The following EID2 variants were observed in gnomAD, a reference collection of about 807,000 sequenced individuals.
EID2 encodes the protein EP300 interacting inhibitor of differentiation 2.
Under a neutral mutation model 2.6 loss-of-function variants are expected in EID2, and 1 was observed. The ratio of observed to expected loss-of-function variants is 0.39; its 90% confidence interval spans 0.14 to 1.85. EID2 has a LOEUF of 1.85. Ranked by LOEUF, EID2 falls within the 40% of genes most tolerant of loss-of-function variation. The pLI is 0.32. For missense variants in EID2, 285 were observed against 338.4 expected (o/e 0.84, Z 1.24); for synonymous variants, 126 against 147.2 (o/e 0.86, Z 1.04).
rs771138248 is a variant in EID2 at position 39,540,097 on chromosome 19, A to C, written c.-18T>G. On this transcript the variant is annotated 5_prime_UTR_variant, in exon 1 of 1. Coordinates refer to ENST00000390658, the MANE Select transcript of EID2 (RefSeq NM_153232.4). ...TTGGACATCTCAGACCGTGGGGTCAACTCGGCTGCTCCCAGAGAAACTGGA... is the reference window on the plus strand; with the variant it reads ...TTGGACATCTCAGACCGTGGGGTCACCTCGGCTGCTCCCAGAGAAACTGGA... 15 of 1,595,152 alleles carry C rather than the reference A, an allele frequency of 9.4e-6. 1 individual carries two copies. The South Asian group carries it at 1.5e-4, about 16-fold the overall frequency.
rs745750021 is a variant in EID2, at chr19:39,539,730, T to A, written c.350A>T (p.Asp117Val). ...GGGCCTGCCCTCGGGACCCTCTTCG[T>A]CCACTGGCTCCCCCAGCAAGCGGGC... The part of the protein sequence containing the change: ...EVARLLGEPV[D>V]EEGPEGRPRS... The change falls in exon 1 of 1, where the codon GAC (aspartate) becomes GTC (valine). Residue 117 changes from aspartate to valine, a missense_variant. Transcript: ENST00000390658. The A allele has an allele frequency of 6.2e-7, 1 of 1,612,682 alleles. No individual in the cohort carries two copies. The highest frequency in any genetic ancestry group is 8.5e-7 in the Non-Finnish European group (1 of 1,179,800).
Position 39,539,796 on chromosome 19 carries a change from G to GCCC in EID2, c.283_284insGGG (p.Pro95delinsArgAla), listed in dbSNP as rs774171334. The GCCC allele has an allele frequency of 6.3e-7, 1 of 1,587,628 alleles. No homozygotes were observed. The highest frequency in any genetic ancestry group is 8.5e-7 in the Non-Finnish European group (1 of 1,173,634). On this transcript the variant is annotated protein_altering_variant, in exon 1 of 1. Transcript: ENST00000390658. ...GGCTTCCCTGGCCGCCGCCGCCGCCGGGCTTTCCCTGCCCGCCGCGGCTGC... is the reference window on the plus strand; with the variant it reads ...GGCTTCCCTGGCCGCCGCCGCCGCCGCCCGGCTTTCCCTGCCCGCCGCGGCTGC...
chr19:39,539,774 T>C lies in EID2; in HGVS notation c.306A>G (p.Glu102=). The part of the protein sequence containing the change: ...RESPAAAAAR[E]ARMAEVARLL... ...AGCGGGCGACCTCCGCCATCCGGGC[T>C]TCCCTGGCCGCCGCCGCCGCCGGGC... is the stretch of plus-strand genomic sequence containing the variant. Residue 102 remains glutamate (E), a synonymous_variant, in exon 1 of 1, where the codon GAA becomes GAG. Coordinates refer to ENST00000390658, the MANE Select transcript of EID2 (RefSeq NM_153232.4). 6.2e-7 allele frequency: 1 copy of C among 1,601,210 alleles called. No individual in the cohort carries two copies. The highest frequency in any genetic ancestry group is 8.5e-7 in the Non-Finnish European group (1 of 1,178,268).
chr19:39,539,699 G>A lies in EID2; in HGVS notation c.381C>T (p.Ser127=), dbSNP rs1203023732. 1 of 1,613,974 alleles carries A rather than the reference G, an allele frequency of 6.2e-7. No homozygotes were observed. Among genetic ancestry groups the A allele is most frequent in the Non-Finnish European group, 8.5e-7 (1 of 1,180,012 alleles). The change falls in exon 1 of 1, where the codon TCC becomes TCT. Residue 127 remains serine (S), a synonymous_variant. Coordinates refer to ENST00000390658, the MANE Select transcript of EID2 (RefSeq NM_153232.4). ...DEEGPEGRPR[S]RHGNGGLAAL... ...CAGCCAGGCCTCCGTTCCCGTGTCTGGACCTGGGCCTGCCCTCGGGACCCT... is the reference window on the plus strand; with the variant it reads ...CAGCCAGGCCTCCGTTCCCGTGTCTAGACCTGGGCCTGCCCTCGGGACCCT...
In EID2 at chr19:39,539,840, TGCCACCGGGGCTCCCCTGGCTGCC is replaced by T. The variant is rs999609511; in HGVS notation, c.216_239del (p.Arg75_Ala82del). ...CGGCTGCCCTGGCCAACGCCGCCGC[TGCCACCGGGGCTCCCCTGGCTGCC>T]GCCGCCGGGGCTGCCCTGGCCGCCG... On this transcript the variant is annotated inframe_deletion, in exon 1 of 1. Transcript: ENST00000390658. 21 of 1,399,432 alleles carry T rather than the reference TGCCACCGGGGCTCCCCTGGCTGCC, an allele frequency of 1.5e-5. No individual in the cohort carries two copies. Among genetic ancestry groups the T allele is most frequent in the Non-Finnish European group, 1.8e-5 (20 of 1,086,710 alleles). 86.7% of individuals were successfully genotyped at this position (1,399,432 alleles called of 1,614,324 possible).
Position 39,539,976 on chromosome 19 carries a change from G to GCCGGCTC in EID2, c.97_103dup (p.Ala35GlyfsTer8). On this transcript the variant is annotated frameshift_variant, in exon 1 of 1. Transcript: ENST00000390658. LOFTEE classifies it low-confidence loss of function (END_TRUNC). ...CCCGGCCTCCTCAGGCTGTGCCGGGGCCGGCTCCCGCCTCCCGCGGCCTAC... is the reference window on the plus strand; with the variant it reads ...CCCGGCCTCCTCAGGCTGTGCCGGGGCCGGCTCCCGGCTCCCGCCTCCCGCGGCCTAC... 1 of 1,582,004 alleles carries GCCGGCTC rather than the reference G, an allele frequency of 6.3e-7. No homozygotes were observed. Among genetic ancestry groups the GCCGGCTC allele is most frequent in the Non-Finnish European group, 8.5e-7 (1 of 1,173,414 alleles).
chr19:39,538,947 C>G lies in EID2; in HGVS notation c.*422G>C, dbSNP rs1279408194. ...GACATGAAGAGAGCACATATTCCGA[C>G]AATTTCAAGTTCTTTTCATAGCCTT... On this transcript the variant is annotated 3_prime_UTR_variant, in exon 1 of 1. Coordinates refer to ENST00000390658, the MANE Select transcript of EID2 (RefSeq NM_153232.4). 1 of 155,932 alleles carries G rather than the reference C, an allele frequency of 6.4e-6. No individual in the cohort carries two copies. The highest frequency in any genetic ancestry group is 1.9e-4 in the East Asian group (1 of 5,352). The allele number at this position is 155,932 out of a possible 1,614,324, so 9.7% of individuals were successfully genotyped here.
Position 39,539,828 on chromosome 19 carries a change from C to A in EID2, c.252G>T (p.Leu84Phe). Reference sequence around the variant, plus strand: ...CCCTGCCCGCCGCGGCTGCCCTGGCCAACGCCGCCGCTGCCACCGGGGCTC... The same window carrying A: ...CCCTGCCCGCCGCGGCTGCCCTGGCAAACGCCGCCGCTGCCACCGGGGCTC... ...ARGAPVAAAA[L>F]ARAAAAGRES... Residue 84 changes from leucine to phenylalanine, a missense_variant, in exon 1 of 1, where the codon TTG (leucine) becomes TTT (phenylalanine). Coordinates refer to ENST00000390658, the MANE Select transcript of EID2 (RefSeq NM_153232.4). The A allele has an allele frequency of 1.4e-6, 2 of 1,435,026 alleles. No individual in the cohort carries two copies. Among genetic ancestry groups the A allele is most frequent in the South Asian group, 2.9e-5 (2 of 68,694 alleles). 88.9% of individuals were successfully genotyped at this position (1,435,026 alleles called of 1,614,324 possible).
In EID2 at chr19:39,539,857, T is replaced by G; in HGVS notation, c.223A>C (p.Arg75=). The G allele has an allele frequency of 7.5e-7, 1 of 1,331,780 alleles. No homozygotes were observed. The highest frequency in any genetic ancestry group is 9.5e-7 in the Non-Finnish European group (1 of 1,048,904). 82.5% of individuals were successfully genotyped at this position (1,331,780 alleles called of 1,614,324 possible). The change falls in exon 1 of 1, where the codon AGG becomes CGG. Residue 75 remains arginine, a synonymous_variant. Coordinates refer to ENST00000390658, the MANE Select transcript of EID2 (RefSeq NM_153232.4). ...GCCGCCGCTGCCACCGGGGCTCCCC[T>G]GGCTGCCGCCGCCGGGGCTGCCCTG... ...AARAAPAAAA[R]GAPVAAAALA... is the part of the protein sequence containing the mutation.
Position 39,539,265 on chromosome 19 carries a change from T to A in EID2, c.*104A>T. On this transcript the variant is annotated 3_prime_UTR_variant, in exon 1 of 1. Transcript: ENST00000390658. ...CCTCCCCCTTTTTTTCCCCTCCACC[T>A]GTGCACTGTCTTATCGCGATATACT... The A allele has an allele frequency of 9.6e-7, 1 of 1,039,232 alleles. No individual in the cohort carries two copies. Among genetic ancestry groups the A allele is most frequent in the East Asian group, 2.5e-5 (1 of 40,300 alleles). 64.4% of individuals were successfully genotyped at this position (1,039,232 alleles called of 1,614,324 possible). A position where few individuals can be genotyped will look rare whatever the true frequency, so the allele number is the denominator to read the frequency against.
chr19:39,539,928 C>G lies in EID2; in HGVS notation c.152G>C (p.Arg51Thr). ...EAGEGAMAAA[R>T]GGPVPAAREG... ...CCTGGCCGCCGGCACCGGGCCTCCC[C>G]TGGCCGCCGCCATCGCGCCTTCCCC... Residue 51 changes from arginine to threonine, a missense_variant, in exon 1 of 1, where the codon AGG (arginine) becomes ACG (threonine). Coordinates refer to ENST00000390658, the MANE Select transcript of EID2 (RefSeq NM_153232.4). 1 of 1,502,782 alleles carries G rather than the reference C, an allele frequency of 6.7e-7. No homozygotes were observed. The highest frequency in any genetic ancestry group is 2.1e-5 in the Admixed American group (1 of 47,066). 93.1% of individuals were successfully genotyped at this position (1,502,782 alleles called of 1,614,324 possible). A position where few individuals can be genotyped will look rare whatever the true frequency, so the allele number is the denominator to read the frequency against.
At position 39,539,865 on chromosome 19, in the gene EID2, G is replaced by A. The variant is rs927017052; in HGVS notation, c.215C>T (p.Ala72Val). ...RMAAARAAPA[A>V]AARGAPVAAA... is the part of the protein sequence containing the mutation. ...TGCCACCGGGGCTCCCCTGGCTGCC[G>A]CCGCCGGGGCTGCCCTGGCCGCCGC... Residue 72 changes from alanine to valine, a missense_variant, in exon 1 of 1, where the codon GCG becomes GTG. Transcript: ENST00000390658. The A allele has an allele frequency of 5.3e-6, 7 of 1,320,820 alleles. No individual in the cohort carries two copies. In the African/African-American group the frequency reaches 9.3e-5, roughly 17 times the overall value. 81.8% of individuals were successfully genotyped at this position (1,320,820 alleles called of 1,614,324 possible).
Position 39,539,313 on chromosome 19 carries a change from G to T in EID2, c.*56C>A. 1 of 1,488,966 alleles carries T rather than the reference G, an allele frequency of 6.7e-7. No individual in the cohort carries two copies. Among genetic ancestry groups the T allele is most frequent in the Non-Finnish European group, 9.2e-7 (1 of 1,081,538 alleles). 92.2% of individuals were successfully genotyped at this position (1,488,966 alleles called of 1,614,324 possible). On this transcript the variant is annotated 3_prime_UTR_variant, in exon 1 of 1. Transcript: ENST00000390658. ...ACTCTTGACTTCTGAAAATCAAGTT[G>T]CAGGATTGGTATGACTGGAATGCAG...
Position 39,539,378 on chromosome 19 carries a change from A to G in EID2, c.702T>C (p.Asn234=), listed in dbSNP as rs201197879. 391 of 1,613,404 alleles carry G rather than the reference A, an allele frequency of 2.4e-4. No homozygotes were observed. Among genetic ancestry groups the G allele is most frequent in the Non-Finnish European group, 3.2e-4 (376 of 1,179,502 alleles). ...IEELGCDKFI[N]RE ...TAGTGTCACCACATAACTATTCTCT[A>G]TTGATAAACTTATCGCAACCAAGTT... Residue 234 remains asparagine (N), a synonymous_variant, in exon 1 of 1, where the codon AAT becomes AAC. Transcript: ENST00000390658.
chr19:39,539,477 G>A lies in EID2; in HGVS notation c.603C>T (p.His201=). 6.2e-7 allele frequency: 1 copy of A among 1,614,264 alleles called. No individual in the cohort carries two copies. Among genetic ancestry groups the A allele is most frequent in the East Asian group, 2.2e-5 (1 of 44,892 alleles). Residue 201 remains histidine (H), a synonymous_variant, in exon 1 of 1, where the codon CAC becomes CAT. Transcript: ENST00000390658. Reference sequence around the variant, plus strand: ...AGGTTAAAATATCGAGGTCCACCCTGTGAGGATTTCGCTGATATTCGGCAT... The same window carrying A: ...AGGTTAAAATATCGAGGTCCACCCTATGAGGATTTCGCTGATATTCGGCAT... ...AFDAEYQRNP[H]RVDLDILTFT...
chr19:39,539,610 A>T lies in EID2; in HGVS notation c.470T>A (p.Leu157His). ...SVLGINYQQFLRHYLENYPIA... is the reference protein window; with the variant it reads ...SVLGINYQQFHRHYLENYPIA... Reference sequence around the variant, plus strand: ...CGGGTAATTTTCCAGATAGTGGCGGAGAAACTGCTGGTAATTGATGCCTAA... The same window carrying T: ...CGGGTAATTTTCCAGATAGTGGCGGTGAAACTGCTGGTAATTGATGCCTAA... The change falls in exon 1 of 1, where the codon CTC (leucine) becomes CAC (histidine). Residue 157 changes from leucine to histidine, a missense_variant. Leu to His is a moderately conservative substitution (Grantham distance 99). Coordinates refer to ENST00000390658, the MANE Select transcript of EID2 (RefSeq NM_153232.4). 1 of 1,614,236 alleles carries T rather than the reference A, an allele frequency of 6.2e-7. No homozygotes were observed. The highest frequency in any genetic ancestry group is 1.3e-5 in the African/African-American group (1 of 75,068).
At position 39,540,150 on chromosome 19, in the gene EID2, A is replaced by C; in HGVS notation, c.-71T>G. 2 of 1,549,068 alleles carry C rather than the reference A, an allele frequency of 1.3e-6. No individual in the cohort carries two copies. Among genetic ancestry groups the C allele is most frequent in the East Asian group, 2.6e-5 (1 of 38,856 alleles). On this transcript the variant is annotated 5_prime_UTR_variant, in exon 1 of 1. Transcript: ENST00000390658. ...AACTGGACAGAGCGATGCCCGGCGG[A>C]CACCCCAGTGCGCGTGCGTGGGCGC...
chr19:39,540,132 C>T lies in EID2; in HGVS notation c.-53G>A. On this transcript the variant is annotated 5_prime_UTR_variant, in exon 1 of 1. Coordinates refer to ENST00000390658, the MANE Select transcript of EID2 (RefSeq NM_153232.4). ...TCCCAGAGAAACTGGAATAACTGGA[C>T]AGAGCGATGCCCGGCGGACACCCCA... 1 of 1,572,144 alleles carries T rather than the reference C, an allele frequency of 6.4e-7. No individual in the cohort carries two copies. Among genetic ancestry groups the T allele is most frequent in the Non-Finnish European group, 8.6e-7 (1 of 1,159,806 alleles).
chr19:39,539,604 T>C lies in EID2; in HGVS notation c.476A>G (p.His159Arg), dbSNP rs1225538818. ...AGCAATCGGGTAATTTTCCAGATAG[T>C]GGCGGAGAAACTGCTGGTAATTGAT... Reference protein sequence around the residue: ...LGINYQQFLRHYLENYPIAPG... With the variant: ...LGINYQQFLRRYLENYPIAPG... Residue 159 changes from histidine (H) to arginine (R), a missense_variant, in exon 1 of 1, where the codon CAC (histidine) becomes CGC (arginine). Physicochemically the swap from His to Arg is conservative, Grantham distance 29 (BLOSUM62 0). Transcript: ENST00000390658. 1 of 1,614,258 alleles carries C rather than the reference T, an allele frequency of 6.2e-7. No homozygotes were observed. The highest frequency in any genetic ancestry group is 1.1e-5 in the South Asian group (1 of 91,088).
Sources: allele counts gnomAD v4.1 joint callset, GRCh38; gene constraint gnomAD v4.1.1; transcripts MANE v1.5; gene names NCBI Gene and HGNC (gene_info 2026-07-23, HGNC 2026-07-21).